BACH2: variants seen among roughly 807,000 people sequenced by gnomAD.
The protein encoded by BACH2 is transcription regulator protein BACH2.
Under a neutral mutation model 61.8 loss-of-function variants are expected in BACH2, and 5 were observed. The observed-to-expected ratio is 0.08, with a 90% confidence interval of 0.04 to 0.17. The LOEUF (loss-of-function observed/expected upper bound fraction) is 0.17, where lower values mean the gene tolerates loss of function less well. Ranked by LOEUF, BACH2 falls within the 10% of genes least tolerant of loss-of-function variation. The pLI is 1.00. For synonymous variants in BACH2, 446 were observed against 440.1 expected (o/e 1.01, Z -0.17); for missense variants, 824 against 1,091.1 (o/e 0.76, Z 3.45).
At chr6:90,173,478 T>C (rs982268862) in intron 4 of BACH2, among the ~76,000 whole-genome samples, 1 of 152,062 alleles carries the variant, frequency 6.6e-6, no homozygotes, top group African/African-American at 2.4e-5. Flanking sequence ...ACAGTGAAAT[T>C]ATACTGAAAA....
At chr6:90,070,236 A>C (rs1297062101) in intron 5 of BACH2, among the ~76,000 whole-genome samples, 1 of 152,094 alleles carries the variant, frequency 6.6e-6, no homozygotes, top group Non-Finnish European at 1.5e-5. Context: ...TCTTCCTTAA[A>C]CCTCAGGCAA....
At position 89,929,065 on chromosome 6, in the gene BACH2, C is replaced by T. The variant is rs1772499512; in HGVS notation, c.*3343G>A. ...GACAAAGGCAGATCCAAGGGGAGGA[C>T]TGGATTTAGGTGGGATGTTCATTAG... On this transcript the variant is annotated 3_prime_UTR_variant, in exon 9 of 9. Coordinates refer to ENST00000257749, the MANE Select transcript of BACH2 (RefSeq NM_021813.4). 1 of 151,374 alleles carries T rather than the reference C, an allele frequency of 6.6e-6. No individual in the cohort carries two copies. Among genetic ancestry groups the T allele is most frequent in the Admixed American group, 6.6e-5 (1 of 15,064 alleles). The allele number at this position is 151,374 out of a possible 1,614,324, so 9.4% of individuals were successfully genotyped here.
At chr6:90,129,516 T>TA (rs949565899) in intron 4 of BACH2, among the ~76,000 whole-genome samples, 12 of 152,052 alleles carry the variant, frequency 7.9e-5, no homozygotes, top group East Asian at 3.9e-4. Flanking sequence ...TTTCTTTTTT[T>TA]TTATTATTAT....
intron 2 of BACH2, among the ~76,000 whole-genome samples, chr6:90,268,257 T>C (rs1260824208): frequency 6.6e-6 from 1 of 152,146 alleles, no homozygotes; most frequent in Non-Finnish European, 1.5e-5. Context: ...CTGCCTGCCT[T>C]GGCCTCCCAA....
At chr6:90,031,409 A>AT (rs574022889) in intron 5 of BACH2, among the ~76,000 whole-genome samples, 174 of 152,310 alleles carry the variant, frequency 1.1e-3, no homozygotes, top group African/African-American at 3.6e-3. Flanking sequence ...AGAGGAAGTC[A>AT]AATTGTCCCT....
intron 4 of BACH2, among the ~76,000 whole-genome samples, chr6:90,096,947 G>A (rs1157679392): frequency 1.3e-5 from 2 of 152,082 alleles, no homozygotes; most frequent in South Asian, 2.1e-4. Flanking sequence ...GATAATCTGG[G>A]GCCACGGCCT....
chr6:89,969,297 C>T (rs1423496751), intron 6 of BACH2, among the ~76,000 whole-genome samples: 2 of 151,958 alleles, frequency 1.3e-5, no homozygotes, highest in South Asian at 2.1e-4. Context: ...TGAGGTGATC[C>T]GCCCATCTCG....
At chr6:89,967,663 T>C (rs1219123510) in intron 6 of BACH2, among the ~76,000 whole-genome samples, 1 of 152,226 alleles carries the variant, frequency 6.6e-6, no homozygotes, top group Non-Finnish European at 1.5e-5. Context: ...CGTCATTTCT[T>C]TCTTTAACAA....
At chr6:89,977,740 T>C (rs1775731481) in intron 6 of BACH2, among the ~76,000 whole-genome samples, 1 of 151,888 alleles carries the variant, frequency 6.6e-6, no homozygotes, top group South Asian at 2.1e-4. Flanking sequence ...TTAGGTTAAG[T>C]CATTGCTGAG....
At chr6:90,039,971 G>A (rs969192434) in intron 5 of BACH2, among the ~76,000 whole-genome samples, 1 of 149,254 alleles carries the variant, frequency 6.7e-6, no homozygotes, top group African/African-American at 2.5e-5. Flanking sequence ...AAATATTAGG[G>A]AAATCAGTTC....
intron 6 of BACH2, among the ~76,000 whole-genome samples, chr6:89,973,164 G>A (rs1209011293): frequency 6.6e-6 from 1 of 152,308 alleles, no homozygotes. Flanking sequence ...CTACTCAGCA[G>A]GCTGAGGGAA....
chr6:90,242,419 C>T (rs1325304361), intron 3 of BACH2, among the ~76,000 whole-genome samples: 2 of 152,176 alleles, frequency 1.3e-5, no homozygotes, highest in Non-Finnish European at 2.9e-5. Flanking sequence ...GGCTTCATTG[C>T]TCATTTCTTT....
intron 6 of BACH2, among the ~76,000 whole-genome samples, chr6:89,985,987 C>T (rs1165234265): frequency 2.0e-5 from 3 of 152,212 alleles, no homozygotes; most frequent in African/African-American, 7.2e-5. Context: ...TGGGCTGCTG[C>T]CCACGTGCTC....
intron 5 of BACH2, among the ~76,000 whole-genome samples, chr6:90,075,970 C>G (rs9444740): frequency 6.6e-6 from 1 of 151,942 alleles, no homozygotes; most frequent in African/African-American, 2.4e-5. Flanking sequence ...TGGTAAGAGA[C>G]GATCCAGAGA....
At chr6:90,219,049 T>C (rs922185170) in intron 3 of BACH2, among the ~76,000 whole-genome samples, 2 of 151,804 alleles carry the variant, frequency 1.3e-5, no homozygotes, top group Non-Finnish European at 2.9e-5. Flanking sequence ...TAGACTTCAG[T>C]GGAGTGAAGG....
chr6:90,056,514 A>T (rs980676024), intron 5 of BACH2, among the ~76,000 whole-genome samples: 3 of 152,046 alleles, frequency 2.0e-5, no homozygotes, highest in East Asian at 3.9e-4. Flanking sequence ...CTCCCACACA[A>T]TAATAATGGG....
intron 6 of BACH2, among the ~76,000 whole-genome samples, chr6:89,977,325 T>G (rs1301494588): frequency 6.6e-6 from 1 of 152,238 alleles, no homozygotes; most frequent in Non-Finnish European, 1.5e-5. Flanking sequence ...GCTATTATAT[T>G]TGTATCACAG....
At chr6:90,031,651 T>C (rs577407060) in intron 5 of BACH2, among the ~76,000 whole-genome samples, 1 of 152,288 alleles carries the variant, frequency 6.6e-6, no homozygotes, top group South Asian at 2.1e-4. Context: ...ATACAAGGGA[T>C]GTGAAGGACC....
intron 4 of BACH2, among the ~76,000 whole-genome samples, chr6:90,128,530 A>G (rs1214028311): frequency 1.3e-5 from 2 of 152,140 alleles, no homozygotes; most frequent in African/African-American, 4.8e-5. Flanking sequence ...GCAGTGAGCC[A>G]AGATCGTGCC....
Sources: gnomAD v4.1 joint callset for allele counts (sites outside exome capture counted in the v4.1 genomes callset) on GRCh38, gnomAD v4.1.1 for gene constraint, MANE v1.5 for transcripts, NCBI Gene and HGNC (gene_info 2026-07-23, HGNC 2026-07-21) for gene names.